Variants in ZFYVE28 observed in about 807,000 individuals in gnomAD.
ZFYVE28 encodes the protein lateral signaling target protein 2 homolog.
A neutral mutation model predicts 82.1 loss-of-function variants in ZFYVE28; 40 were observed. The observed-to-expected ratio is 0.49, with a 90% CI of 0.38 to 0.63. The LOEUF (loss-of-function observed/expected upper bound fraction) is 0.63. Ranked by LOEUF, ZFYVE28 falls within the 30% of genes least tolerant of loss-of-function variation. The probability of loss-of-function intolerance (pLI) is 0.00; values close to 1 mark genes in which losing one functional copy is unlikely to be tolerated. For missense variants in ZFYVE28, 1,321 were observed against 1,242.1 expected, an observed-to-expected ratio of 1.06 and a Z score of -0.96; for synonymous variants, 612 against 546.1, an observed-to-expected ratio of 1.12 and a Z score of -1.68.
intron 1 of ZFYVE28, among the ~76,000 whole-genome samples, chr4:2,369,844 T>TTTATTTTATTTA (rs1465604216): frequency 0.011 from 1,501 of 132,430 alleles, 15 homozygotes; most frequent in Middle Eastern, 0.025. Context: ...TTTTTTTTTT[T>TTTATTTTATTTA]CTTTTCTTTT....
chr4:2,330,990 T>A, intron 6 of ZFYVE28: 7 of 1,533,436 alleles, frequency 4.6e-6, no homozygotes, highest in Non-Finnish European at 6.1e-6. Flanking sequence ...GCAACCATCC[T>A]GCAGGCCACG....
Position 2,279,771 on chromosome 4 carries a change from C to T in ZFYVE28, c.2052-5555G>A, listed in dbSNP as rs184390039. Among the ~76,000 whole-genome samples the T allele has an allele frequency of 9.4e-4, 140 of 148,740 alleles. 1 individual carries two copies. Among genetic ancestry groups the T allele is most frequent in the African/African-American group, 3.4e-3 (135 of 40,132 alleles). ...ACTCCAGCCTGACAACAGAGTGAGACTCCTTCAAAAAAAAAAAAAAAAATC... is the reference window on the plus strand; with the variant it reads ...ACTCCAGCCTGACAACAGAGTGAGATTCCTTCAAAAAAAAAAAAAAAAATC... On this transcript the variant is annotated intron_variant, in intron 8 of 12. Transcript: ENST00000290974.
At chr4:2,276,501 C>T (rs1736460303) in intron 8 of ZFYVE28, among the ~76,000 whole-genome samples, 1 of 152,184 alleles carries the variant, frequency 6.6e-6, no homozygotes, top group African/African-American at 2.4e-5. Flanking sequence ...AAATTTGGGA[C>T]TCGGACAGAT....
chr4:2,310,719 G>T (rs551792099), intron 7 of ZFYVE28, among the ~76,000 whole-genome samples: 1 of 152,168 alleles, frequency 6.6e-6, no homozygotes, highest in Non-Finnish European at 1.5e-5. Flanking sequence ...TGGGAGGATC[G>T]CTTGAGCCTG....
At position 2,304,622 on chromosome 4, in the gene ZFYVE28, C is replaced by A. The variant is rs1241761106; in HGVS notation, c.1718G>T (p.Ser573Ile). Residue 573 changes from serine (S) to isoleucine (I), a missense_variant, in exon 8 of 13, where the codon AGC becomes ATC. By Grantham distance (142) the Ser-to-Ile change is moderately radical. Transcript: ENST00000290974. ...CAGACGCTCCACCACGTCCTCCCTG[C>A]TGTCCCCGCAGCTCCCACAGCACAC... The part of the protein sequence containing the change: ...SCVCCGSCGD[S>I]REDVVERLRE... 2 of 1,612,386 alleles carry A rather than the reference C, an allele frequency of 1.2e-6. No homozygotes were observed. The highest frequency in any genetic ancestry group is 1.7e-6 in the Non-Finnish European group (2 of 1,179,834).
At chr4:2,384,156 C>T (rs1160415201) in intron 1 of ZFYVE28, among the ~76,000 whole-genome samples, 1 of 152,158 alleles carries the variant, frequency 6.6e-6, no homozygotes, top group Non-Finnish European at 1.5e-5. Flanking sequence ...AAGAGGCCCC[C>T]GGGACTGTCA....
Position 2,304,938 on chromosome 4 carries a change from T to C in ZFYVE28, c.1402A>G (p.Thr468Ala). The C allele has an allele frequency of 6.2e-7, 1 of 1,612,698 alleles. No homozygotes were observed. Among genetic ancestry groups the C allele is most frequent in the Non-Finnish European group, 8.5e-7 (1 of 1,179,870 alleles). ...LSNNNLEAEG[T>A]DGASLAGTSS... The stretch of plus-strand genomic sequence containing the variant: ...GTGCCCGCGAGGCTGGCCCCATCTG[T>C]GCCCTCGGCCTCGAGATTGTTGTTG... The change falls in exon 8 of 13, where the codon ACA becomes GCA. Residue 468 changes from threonine to alanine, a missense_variant. Around this residue, in one of 2 missense-constraint regions of ZFYVE28, gnomAD observed 978 missense variants for 833.7 expected, o/e 1.17. Coordinates refer to ENST00000290974, the MANE Select transcript of ZFYVE28 (RefSeq NM_020972.3).
rs371207972 is a variant in ZFYVE28, at chr4:2,364,069, G to T, written c.40-9996C>A. Among the ~76,000 whole-genome samples the T allele has an allele frequency of 3.3e-5, 5 of 152,324 alleles. No individual in the cohort carries two copies. In the East Asian group the frequency reaches 7.7e-4, roughly 24 times the overall value. On this transcript the variant is annotated intron_variant, in intron 1 of 12. Coordinates refer to ENST00000290974, the MANE Select transcript of ZFYVE28 (RefSeq NM_020972.3). ...ATGTTGGTGCCACAGCCCCAGGGCAGGCGCTGTGCCCTGTGAAGGGAAGGC... is the reference window on the plus strand; with the variant it reads ...ATGTTGGTGCCACAGCCCCAGGGCATGCGCTGTGCCCTGTGAAGGGAAGGC...
chr4:2,298,885 G>A (rs145708232), intron 8 of ZFYVE28, among the ~76,000 whole-genome samples: 5 of 152,268 alleles, frequency 3.3e-5, no homozygotes, highest in African/African-American at 9.6e-5. Context: ...ACTAGTCATC[G>A]GGGCTGCAGG....
At chr4:2,329,737 T>C (rs907035310) in intron 6 of ZFYVE28, among the ~76,000 whole-genome samples, 4 of 152,248 alleles carry the variant, frequency 2.6e-5, no homozygotes, top group African/African-American at 9.6e-5. Flanking sequence ...TTTTTGTGCT[T>C]AATACACTGG....
intron 1 of ZFYVE28, among the ~76,000 whole-genome samples, chr4:2,391,141 CCT>C (rs1252704093): frequency 1.3e-5 from 2 of 152,368 alleles, no homozygotes; most frequent in East Asian, 3.9e-4. Context: ...CGCAGCCCTC[CCT>C]CTGTGTTTCC....
rs71167785 is a variant in ZFYVE28, at chr4:2,355,199, AATATATATATATATATATATAT to A, written c.40-1148_40-1127del. ...TTACAAAAGTGATGAAGTCCTTGAA[AATATATATATATATATATATAT>A]ATATATATATATATATATATATATA... is the stretch of plus-strand genomic sequence containing the variant. On this transcript the variant is annotated intron_variant, in intron 1 of 12. Transcript: ENST00000290974. 7.8e-4 allele frequency among the ~76,000 whole-genome samples: 38 copies of A among 48,950 alleles called. 1 individual carries two copies. Among genetic ancestry groups the A allele is most frequent in the East Asian group, 1.2e-3 (2 of 1,632 alleles). 32.1% of individuals were successfully genotyped at this position (48,950 alleles called of 152,430 possible).
At chr4:2,403,950 C>G (rs1731489890) in intron 1 of ZFYVE28, among the ~76,000 whole-genome samples, 1 of 129,134 alleles carries the variant, frequency 7.7e-6, no homozygotes, top group Middle Eastern at 4.5e-3. Context: ...GCCTGGGTGA[C>G]AAGAGCGAAA....
chr4:2,343,800 C>T (rs1399025248), intron 2 of ZFYVE28, among the ~76,000 whole-genome samples: 1 of 152,248 alleles, frequency 6.6e-6, no homozygotes, highest in Non-Finnish European at 1.5e-5. Flanking sequence ...CCTTTCATGG[C>T]CGTGCTTGGA....
At chr4:2,346,552 A>C (rs1723626442) in intron 2 of ZFYVE28, among the ~76,000 whole-genome samples, 1 of 152,178 alleles carries the variant, frequency 6.6e-6, no homozygotes, top group Admixed American at 6.5e-5. Context: ...CCCTAACAAC[A>C]TAGTGTGAGT....
Position 2,362,897 on chromosome 4 carries a change from C to T in ZFYVE28, c.40-8824G>A, listed in dbSNP as rs536137371. Among the ~76,000 whole-genome samples the T allele has an allele frequency of 7.9e-5, 12 of 152,152 alleles. No homozygotes were observed. The highest frequency in any genetic ancestry group is 2.0e-4 in the Admixed American group (3 of 15,304). On this transcript the variant is annotated intron_variant, in intron 1 of 12. Coordinates refer to ENST00000290974, the MANE Select transcript of ZFYVE28 (RefSeq NM_020972.3). The surrounding 1 kb of genome is among the most constrained non-coding windows in gnomAD (Gnocchi z 5.1). ...GCTCACTTCCTGCCTTGGCCTCCTG[C>T]GGACCCCACCCACCCCTGCTCTCTC...
Position 2,314,760 on chromosome 4 carries a change from CACAT to C in ZFYVE28, c.803+5406_803+5409del, listed in dbSNP as rs557572415. ...CAGTTAATATTCACTTATGTTAACCCACATCATGTTCTTCAGTCTCTCTTGCATT... is the reference window on the plus strand; with the variant it reads ...CAGTTAATATTCACTTATGTTAACCCCATGTTCTTCAGTCTCTCTTGCATT... On this transcript the variant is annotated intron_variant, in intron 7 of 12. Transcript: ENST00000290974. 2.1e-3 allele frequency among the ~76,000 whole-genome samples: 321 copies of C among 152,144 alleles called. 1 individual carries two copies. Among genetic ancestry groups the C allele is most frequent in the African/African-American group, 7.4e-3 (305 of 41,484 alleles).
chr4:2,353,948 C>A lies in ZFYVE28; in HGVS notation c.165G>T (p.Gln55His), dbSNP rs1203054464. 10 of 1,551,884 alleles carry A rather than the reference C, an allele frequency of 6.4e-6. No homozygotes were observed. The highest frequency in any genetic ancestry group is 2.8e-5 in the African/African-American group (2 of 72,298). ...CGTGGCTCACCTGACAGGAGCGGAACTGGCTGACCAGCAGCGTGCACCGCT... is the reference window on the plus strand; with the variant it reads ...CGTGGCTCACCTGACAGGAGCGGAAATGGCTGACCAGCAGCGTGCACCGCT... ...DPQRCTLLVS[Q>H]FRSCQDNVLN... The change falls in exon 2 of 13, where the codon CAG becomes CAT. Residue 55 changes from glutamine (Q) to histidine (H), a missense_variant. Coordinates refer to ENST00000290974, the MANE Select transcript of ZFYVE28 (RefSeq NM_020972.3).
At chr4:2,308,532 G>C (rs1358749696) in intron 7 of ZFYVE28, among the ~76,000 whole-genome samples, 1 of 143,842 alleles carries the variant, frequency 7.0e-6, no homozygotes, top group Non-Finnish European at 1.5e-5. Flanking sequence ...GGGGAGGGGA[G>C]GGGGAGGAGA....
Sources: gnomAD v4.1 joint callset for allele counts (sites outside exome capture counted in the v4.1 genomes callset) on GRCh38, gnomAD v4.1.1 for gene constraint, gnomAD v4.1.1 regional missense constraint, Gnocchi (gnomAD v3.1) non-coding constraint, MANE v1.5 for transcripts, NCBI Gene and HGNC (gene_info 2026-07-23, HGNC 2026-07-21) for gene names.